Variants in GSTM2 observed in about 807,000 individuals in gnomAD.
The protein encoded by GSTM2 is glutathione S-transferase mu 2.
Under a neutral mutation model 33.3 loss-of-function variants are expected in GSTM2, and 33 were observed. The ratio of observed to expected loss-of-function variants is 0.99; its 90% CI spans 0.75 to 1.33. The LOEUF is 1.33. Among genes scored for constraint, GSTM2 ranks in the 40% most tolerant of loss-of-function variants. GSTM2 has a pLI of 0.00. For missense variants in GSTM2, 213 were observed against 265.8 expected, an observed-to-expected ratio of 0.80 and a Z score of 1.38; for synonymous variants, 93 against 95.6, an observed-to-expected ratio of 0.97 and a Z score of 0.16.
At chr1:109,678,198 A>G (rs1477964937), downstream of GSTM2, among the ~76,000 whole-genome samples, 1 of 152,096 alleles carries the variant, frequency 6.6e-6, no homozygotes, top group African/African-American at 2.4e-5. Flanking sequence ...AGACTGGAGC[A>G]CAGTGGTGCA....
In GSTM2 at chr1:109,670,400, G is replaced by A. The variant is rs114643272; in HGVS notation, c.360+829G>A. Among the ~76,000 whole-genome samples, 1,064 of 152,154 alleles carry A rather than the reference G, an allele frequency of 7.0e-3. 11 individuals are homozygous for A. Among genetic ancestry groups the A allele is most frequent in the African/African-American group, 0.024 (995 of 41,512 alleles). On this transcript the variant is annotated intron_variant, in intron 5 of 7. Coordinates refer to ENST00000241337, the MANE Select transcript of GSTM2 (RefSeq NM_000848.4). ...GACTGTGGTCCTGCCAAATACACGG[G>A]TCCTGTTTTCTGTTTGAACTCTTTA...
At chr1:109,669,874 G>A (rs895073628) in intron 5 of GSTM2, 8 of 326,970 alleles carry the variant, frequency 2.4e-5, no homozygotes, top group Non-Finnish European at 3.9e-5. Context: ...TAAAGGTGGC[G>A]CGTCTGGAGT....
At chr1:109,678,419 G>A (rs1647758875), downstream of GSTM2, among the ~76,000 whole-genome samples, 1 of 152,084 alleles carries the variant, frequency 6.6e-6, no homozygotes, top group African/African-American at 2.4e-5. Flanking sequence ...TTACAGGTGT[G>A]AGCCACCACT....
downstream of GSTM2, among the ~76,000 whole-genome samples, chr1:109,676,444 T>C (rs1421441642): frequency 9.9e-5 from 15 of 152,074 alleles, no homozygotes; most frequent in African/African-American, 3.1e-4. Flanking sequence ...CTCCCCTTCC[T>C]GGGTTCAAAC....
At chr1:109,670,337 C>A (rs1026507051) in intron 5 of GSTM2, 2 of 151,726 alleles carry the variant, frequency 1.3e-5, no homozygotes, top group African/African-American at 4.8e-5. Flanking sequence ...GACCCAGAAG[C>A]CCAGCCAGCT....
At chr1:109,671,757 A>G (rs917245204) in intron 7 of GSTM2, among the ~76,000 whole-genome samples, 174 bp downstream of exon 7, 4 of 152,086 alleles carry the variant, frequency 2.6e-5, no homozygotes, top group Admixed American at 2.6e-4. Flanking sequence ...ACCTGTGGTT[A>G]GGAGTTTGAT....
downstream of GSTM2, among the ~76,000 whole-genome samples, chr1:109,677,194 A>G (rs1647727967): frequency 6.6e-6 from 1 of 152,220 alleles, no homozygotes; most frequent in South Asian, 2.1e-4. Flanking sequence ...TTGGTGATTT[A>G]TGGAGTAACT....
chr1:109,673,038 T>G (rs1408291640), intron 7 of GSTM2, among the ~76,000 whole-genome samples: 1 of 151,920 alleles, frequency 6.6e-6, no homozygotes, highest in Non-Finnish European at 1.5e-5. Flanking sequence ...TCCAGCTAAT[T>G]TTTGTATTTT....
chr1:109,669,126 T>C (rs1042755868), intron 3 of GSTM2, 137 bp downstream of exon 3: 16 of 1,245,500 alleles, frequency 1.3e-5, no homozygotes, highest in Middle Eastern at 2.6e-4. Context: ...TACACAGCCC[T>C]TGCATGATGT....
intron 5 of GSTM2, 54 bp from the exon 6 acceptor site, chr1:109,671,233 C>A: frequency 7.7e-7 from 1 of 1,298,288 alleles, no homozygotes; most frequent in Non-Finnish European, 1.1e-6. Flanking sequence ...TGGGAGGCCG[C>A]ATCTGTGCAG....
downstream of GSTM2, among the ~76,000 whole-genome samples, chr1:109,677,146 C>T (rs1486683449): frequency 1.3e-5 from 2 of 152,158 alleles, no homozygotes; most frequent in South Asian, 2.1e-4. Context: ...CTACTGTATC[C>T]CCACTAGAAT....
intron 1 of GSTM2, 132 bp downstream of exon 1, chr1:109,668,283 T>A: frequency 7.6e-7 from 1 of 1,313,660 alleles, no homozygotes; most frequent in Non-Finnish European, 1.1e-6. Flanking sequence ...TGCTTGCCGC[T>A]GTCTGTGCGT....
downstream of GSTM2, among the ~76,000 whole-genome samples, chr1:109,680,184 G>A (rs112225128): frequency 4.1e-3 from 617 of 149,738 alleles, 7 homozygotes; most frequent in African/African-American, 0.014. Context: ...TCCCATAAGA[G>A]ATAAATAAAT....
rs1247086171 is a variant in GSTM2, at chr1:109,669,002, G to C, written c.177+13G>C. 1 of 1,611,584 alleles carries C rather than the reference G, an allele frequency of 6.2e-7. No homozygotes were observed. Among genetic ancestry groups the C allele is most frequent in the South Asian group, 1.1e-5 (1 of 90,978 alleles). ...GGACTTTCCCAATGTAGGTGCAGGG[G>C]AAGGGGCGGTTTTGGGGGAAAGTGC... is the stretch of plus-strand genomic sequence containing the variant. On this transcript the variant is annotated intron_variant, in intron 3 of 7. Coordinates refer to ENST00000241337, the MANE Select transcript of GSTM2 (RefSeq NM_000848.4).
At position 109,669,146 on chromosome 1, in the gene GSTM2, C is replaced by G. The variant is rs944924302; in HGVS notation, c.178-144C>G. Reference sequence around the variant, plus strand: ...AGCCCTTGCATGATGTTCTGTGTCCCAGCTCATTTATTAGTGTGACAGTAT... The same window carrying G: ...AGCCCTTGCATGATGTTCTGTGTCCGAGCTCATTTATTAGTGTGACAGTAT... On this transcript the variant is annotated intron_variant, in intron 3 of 7. Transcript: ENST00000241337. 52 of 1,271,414 alleles carry G rather than the reference C, an allele frequency of 4.1e-5. 1 individual carries two copies. Among genetic ancestry groups the G allele is most frequent in the Non-Finnish European group, 5.9e-5 (51 of 870,800 alleles). 78.8% of individuals were successfully genotyped at this position (1,271,414 alleles called of 1,614,324 possible).
At chr1:109,677,483 C>T (rs1647733907), downstream of GSTM2, among the ~76,000 whole-genome samples, 1 of 152,186 alleles carries the variant, frequency 6.6e-6, no homozygotes, top group Non-Finnish European at 1.5e-5. Flanking sequence ...TGAAAATAAA[C>T]ATGCTAACGC....
At chr1:109,678,368 C>A (rs1647757525), downstream of GSTM2, among the ~76,000 whole-genome samples, 2 of 152,114 alleles carry the variant, frequency 1.3e-5, no homozygotes, top group African/African-American at 2.4e-5. Context: ...AACTCCGGGC[C>A]TCAAGTTATC....
In GSTM2 at chr1:109,670,341, G is replaced by C. The variant is rs960181971; in HGVS notation, c.360+770G>C. ...AGTCCTCACCTGACCCAGAAGCCCA[G>C]CCAGCTTCACCTCTCATTTTGATCA... On this transcript the variant is annotated intron_variant, in intron 5 of 7. Transcript: ENST00000241337. 7.9e-5 allele frequency: 12 copies of C among 151,936 alleles called. 1 individual carries two copies. Among genetic ancestry groups the C allele is most frequent in the Admixed American group, 3.3e-4 (5 of 15,264 alleles). The allele number at this position is 151,936 out of a possible 1,614,324, so 9.4% of individuals were successfully genotyped here.
At chr1:109,668,657 G>A in intron 2 of GSTM2, 157 bp downstream of exon 2, 1 of 919,914 alleles carries the variant, frequency 1.1e-6, no homozygotes, top group Non-Finnish European at 1.7e-6. Flanking sequence ...TTGCAAGGCA[G>A]AATGCTGGGG....
Sources: allele counts gnomAD v4.1 joint callset (sites outside exome capture counted in the v4.1 genomes callset), GRCh38; gene constraint gnomAD v4.1.1; transcripts MANE v1.5; gene names NCBI Gene and HGNC (gene_info 2026-07-23, HGNC 2026-07-21).